The following PCDH15 variants were observed in gnomAD, a reference collection of about 807,000 sequenced individuals.
The protein encoded by PCDH15 is protocadherin-15.
Under a neutral mutation model 178.5 loss-of-function variants are expected in PCDH15, and 129 were observed. The observed-to-expected ratio is 0.72, with a 90% CI of 0.63 to 0.84. PCDH15 has a LOEUF of 0.84. Among genes scored for constraint, PCDH15 ranks in the 40% least tolerant of loss-of-function variants. The probability of loss-of-function intolerance (pLI) is 0.00; values close to 1 mark genes in which losing one functional copy is unlikely to be tolerated. For missense variants in PCDH15, 2,230 were observed against 2,099.9 expected, an observed-to-expected ratio of 1.06 and a Z score of -1.21; for synonymous variants, 800 against 732.0, an observed-to-expected ratio of 1.09 and a Z score of -1.50.
At chr10:54,673,345 T>C (rs2094713857) in intron 1 of PCDH15, among the ~76,000 whole-genome samples, 1 of 152,136 alleles carries the variant, frequency 6.6e-6, no homozygotes, top group African/African-American at 2.4e-5. Flanking sequence ...TGTTCTTGTG[T>C]TAGTTTGCTG....
chr10:54,110,246 T>G (rs2132691684), intron 15 of PCDH15, among the ~76,000 whole-genome samples: 1 of 151,594 alleles, frequency 6.6e-6, no homozygotes, highest in Admixed American at 6.6e-5. Flanking sequence ...TGACATTTAC[T>G]TAGTACATAA....
At chr10:55,613,989 C>T (rs1296888907) in intron 2 of PCDH15, among the ~76,000 whole-genome samples, 2 of 151,880 alleles carry the variant, frequency 1.3e-5, no homozygotes, top group Non-Finnish European at 2.9e-5. Flanking sequence ...TGGTGGGTGC[C>T]TGTAGTCCCA....
chr10:54,202,960 T>C (rs542916520), intron 10 of PCDH15, among the ~76,000 whole-genome samples: 1 of 152,300 alleles, frequency 6.6e-6, no homozygotes, highest in South Asian at 2.1e-4. Context: ...ACAGACATTA[T>C]TCTGGGTGTG....
intron 2 of PCDH15, among the ~76,000 whole-genome samples, chr10:54,974,735 G>A (rs1401382017): frequency 6.6e-6 from 1 of 152,002 alleles, no homozygotes; most frequent in Non-Finnish European, 1.5e-5. Context: ...AGCCATCAAG[G>A]GCATATCCTT....
At chr10:54,784,012 C>T (rs750196771) in intron 1 of PCDH15, among the ~76,000 whole-genome samples, 3 of 145,342 alleles carry the variant, frequency 2.1e-5, no homozygotes, top group South Asian at 2.3e-4. Context: ...TTTCACACGG[C>T]GGCAGGAAGG....
At chr10:54,378,100 T>A (rs936420689) in intron 4 of PCDH15, among the ~76,000 whole-genome samples, 4 of 151,920 alleles carry the variant, frequency 2.6e-5, no homozygotes, top group African/African-American at 9.7e-5. Flanking sequence ...GTTTTTCAAA[T>A]TTTTTGTCAA....
chr10:55,564,818 T>A (rs1221915029), intron 2 of PCDH15, among the ~76,000 whole-genome samples: 1 of 151,690 alleles, frequency 6.6e-6, no homozygotes, highest in Non-Finnish European at 1.5e-5. Flanking sequence ...GAAGCTATAA[T>A]AAATATCAAC....
chr10:53,826,024 A>G (rs1232291890), intron 32 of PCDH15, among the ~76,000 whole-genome samples: 2 of 151,722 alleles, frequency 1.3e-5, no homozygotes, highest in Admixed American at 1.3e-4. Context: ...ATATAAACAC[A>G]CAACTTTACA....
intron 1 of PCDH15, among the ~76,000 whole-genome samples, chr10:54,773,495 C>T (rs1317836306): frequency 1.3e-5 from 2 of 152,164 alleles, no homozygotes; most frequent in Non-Finnish European, 2.9e-5. Flanking sequence ...TCATTAGATT[C>T]TATAATTAAT....
At chr10:54,648,966 C>T (rs1193706263) in intron 2 of PCDH15, among the ~76,000 whole-genome samples, 2 of 152,062 alleles carry the variant, frequency 1.3e-5, no homozygotes, top group African/African-American at 4.8e-5. Context: ...TAACAGATCT[C>T]ATCAGTATTC....
rs567259015 is a variant in PCDH15 at position 53,938,436 on chromosome 10, T to C, written c.3373+379A>G. ...ATTTTTTCTTTTCTCGAAGAAAATATGTAAATACAAGAAGCCACACAATTC... is the reference window on the plus strand; with the variant it reads ...ATTTTTTCTTTTCTCGAAGAAAATACGTAAATACAAGAAGCCACACAATTC... On this transcript the variant is annotated intron_variant, in intron 25 of 37. Coordinates refer to ENST00000644397, the MANE Select transcript of PCDH15 (RefSeq NM_001384140.1). Among the ~76,000 whole-genome samples the C allele has an allele frequency of 2.6e-5, 4 of 152,274 alleles. No homozygotes were observed. The East Asian group carries it at 5.8e-4, about 22-fold the overall frequency.
chr10:55,389,356 T>G (rs1229380804), intron 2 of PCDH15, among the ~76,000 whole-genome samples: 1 of 151,940 alleles, frequency 6.6e-6, no homozygotes, highest in African/African-American at 2.4e-5. Context: ...TTTTAAGAGA[T>G]AATTCAGCCT....
At chr10:55,068,292 G>A (rs1841619975) in intron 2 of PCDH15, among the ~76,000 whole-genome samples, 1 of 151,936 alleles carries the variant, frequency 6.6e-6, no homozygotes, top group African/African-American at 2.4e-5. Context: ...ATGGGAGATA[G>A]GGGTCTAGTT....
chr10:55,397,705 C>T (rs983790132), intron 2 of PCDH15, among the ~76,000 whole-genome samples: 3 of 152,082 alleles, frequency 2.0e-5, no homozygotes, highest in Non-Finnish European at 4.4e-5. Flanking sequence ...CCTGCCTCAG[C>T]CTCCTGAGTA....
chr10:55,226,147 CT>C (rs762563813), intron 1 of PCDH15, among the ~76,000 whole-genome samples: 9 of 152,004 alleles, frequency 5.9e-5, no homozygotes, highest in Non-Finnish European at 5.9e-5. Flanking sequence ...TTCTAATCAG[CT>C]TTTTATTATC....
At chr10:55,478,869 T>A (rs566359869) in intron 2 of PCDH15, among the ~76,000 whole-genome samples, 2 of 149,696 alleles carry the variant, frequency 1.3e-5, no homozygotes, top group Non-Finnish European at 3.0e-5. Flanking sequence ...CACCAACAAA[T>A]TGGAAAACCT....
At chr10:55,520,895 A>G (rs776620906) in intron 2 of PCDH15, among the ~76,000 whole-genome samples, 4 of 151,970 alleles carry the variant, frequency 2.6e-5, no homozygotes, top group Non-Finnish European at 4.4e-5. Context: ...CAAGCTAATT[A>G]ACATATTATC....
intron 21 of PCDH15, among the ~76,000 whole-genome samples, chr10:53,984,343 A>G (rs2090948944): frequency 6.6e-6 from 1 of 151,452 alleles, no homozygotes; most frequent in Non-Finnish European, 1.5e-5. Flanking sequence ...GTAGAGACGG[A>G]GTTTTACCAT....
chr10:54,301,363 G>A (rs1322030464), intron 8 of PCDH15, among the ~76,000 whole-genome samples: 1 of 152,142 alleles, frequency 6.6e-6, no homozygotes, highest in Admixed American at 6.5e-5. Context: ...CTATCATTCT[G>A]TTGTACAAAA....
Sources: gnomAD v4.1 joint callset for allele counts (sites outside exome capture counted in the v4.1 genomes callset) on GRCh38, gnomAD v4.1.1 for gene constraint, MANE v1.5 for transcripts, NCBI Gene and HGNC (gene_info 2026-07-23, HGNC 2026-07-21) for gene names.